The following FGFRL1 variants were observed in gnomAD, a reference collection of about 807,000 sequenced individuals.
The protein encoded by FGFRL1 is fibroblast growth factor receptor like 1.
In FGFRL1, 24 loss-of-function variants were observed where a neutral mutation model predicts 36.8. The observed-to-expected ratio is 0.65, with a 90% CI of 0.47 to 0.92. The LOEUF is 0.92. Ranked by LOEUF, FGFRL1 falls within the 40% of genes least tolerant of loss-of-function variation. The pLI is 0.00. For missense variants in FGFRL1, 785 were observed against 753.4 expected (o/e 1.04, Z -0.49); for synonymous variants, 422 against 344.1 (o/e 1.23, Z -2.50).
chr4:1,022,592 C>CCTT, intron 3 of FGFRL1, 117 bp downstream of exon 3: 1 of 1,346,690 alleles, frequency 7.4e-7, no homozygotes, highest in Non-Finnish European at 9.9e-7. Context: ...CGGCAGAAAG[C>CCTT]CTTCCTTCGG....
intron 2 of FGFRL1, among the ~76,000 whole-genome samples, chr4:1,017,919 G>C (rs1715978265): frequency 6.6e-6 from 1 of 152,246 alleles, no homozygotes; most frequent in South Asian, 2.1e-4. Flanking sequence ...AATGTCCACT[G>C]AGTATCTGCT....
chr4:1,023,181 C>T lies in FGFRL1; in HGVS notation c.353-460C>T, dbSNP rs1015598204. On this transcript the variant is annotated intron_variant, in intron 3 of 6. Coordinates refer to ENST00000510644, the MANE Select transcript of FGFRL1 (RefSeq NM_001004356.3). The surrounding 1 kb of genome is among the most constrained non-coding windows in gnomAD (Gnocchi z 6.0). ...CACAGGGTGGATGGAGGGGACATTC[C>T]ACAGCACGCCCTGCCCCTCGGCATT... Among the ~76,000 whole-genome samples the T allele has an allele frequency of 5.3e-5, 8 of 152,160 alleles. No homozygotes were observed. Among genetic ancestry groups the T allele is most frequent in the Non-Finnish European group, 1.0e-4 (7 of 67,998 alleles).
At chr4:1,015,955 A>G (rs956430016) in intron 2 of FGFRL1, among the ~76,000 whole-genome samples, 9 of 152,234 alleles carry the variant, frequency 5.9e-5, no homozygotes, top group Non-Finnish European at 1.3e-4. Flanking sequence ...CGCAGGCATC[A>G]CTGTGTGTCC....
At chr4:1,022,660 C>T (rs570483876) in intron 3 of FGFRL1, among the ~76,000 whole-genome samples, 185 bp downstream of exon 3, 53 of 152,312 alleles carry the variant, frequency 3.5e-4, no homozygotes, top group African/African-American at 1.3e-3. Flanking sequence ...GTATCCTGTC[C>T]CGTTCCTGTC....
chr4:1,020,274 G>A (rs1337734301), intron 2 of FGFRL1, among the ~76,000 whole-genome samples: 1 of 152,218 alleles, frequency 6.6e-6, no homozygotes, highest in African/African-American at 2.4e-5. Flanking sequence ...AGTGGCTGCA[G>A]TGCGGGATGG....
At chr4:1,018,384 G>A (rs1189777086) in intron 2 of FGFRL1, among the ~76,000 whole-genome samples, 1 of 152,192 alleles carries the variant, frequency 6.6e-6, no homozygotes, top group Non-Finnish European at 1.5e-5. Context: ...AGGATTTGGA[G>A]GCATCCGCCT....
chr4:1,022,864 C>T (rs897201016), intron 3 of FGFRL1, among the ~76,000 whole-genome samples: 3 of 152,118 alleles, frequency 2.0e-5, no homozygotes, highest in South Asian at 4.1e-4. Flanking sequence ...TTTCTGTTCT[C>T]TTCTGCGCCT....
At chr4:1,013,534 C>G (rs182758657) in intron 2 of FGFRL1, among the ~76,000 whole-genome samples, 7,461 of 130,784 alleles carry the variant, frequency 0.057, 235 homozygotes, top group Middle Eastern at 0.19. Flanking sequence ...CAGCACCCCC[C>G]CCTACCCCCC....
upstream of FGFRL1, among the ~76,000 whole-genome samples, chr4:1,010,443 A>T (rs1300537692): frequency 3.3e-5 from 5 of 152,172 alleles, no homozygotes; most frequent in African/African-American, 1.2e-4. Flanking sequence ...GAGGAGTCCC[A>T]CACCCTGACA....
chr4:1,022,601 G>A (rs1265376407), intron 3 of FGFRL1, 126 bp downstream of exon 3: 22 of 1,238,252 alleles, frequency 1.8e-5, no homozygotes, highest in Non-Finnish European at 2.0e-5. Flanking sequence ...GCCTTCCTTC[G>A]GTGCCCTGCC....
chr4:1,018,584 T>C (rs977080215), intron 2 of FGFRL1, among the ~76,000 whole-genome samples: 2 of 152,104 alleles, frequency 1.3e-5, no homozygotes, highest in African/African-American at 4.8e-5. Context: ...CTGGGGGGTG[T>C]CTTGGCAGGG....
At chr4:1,012,356 G>T in intron 1 of FGFRL1, 114 bp from the exon 2 acceptor site, 1 of 1,217,322 alleles carries the variant, frequency 8.2e-7, no homozygotes, top group Non-Finnish European at 1.1e-6. Context: ...TGGAGCGCGG[G>T]CGGGGAGGGC....
chr4:1,019,284 G>A (rs972467338), intron 2 of FGFRL1, among the ~76,000 whole-genome samples: 1 of 152,234 alleles, frequency 6.6e-6, no homozygotes, highest in Non-Finnish European at 1.5e-5. Flanking sequence ...CCAGGACAGG[G>A]CCAGGCACTC....
At position 1,026,624 on chromosome 4, in the gene FGFRL1, G is replaced by C. The variant is rs568107933; in HGVS notation, c.*1277G>C. On this transcript the variant is annotated 3_prime_UTR_variant, in exon 7 of 7. Transcript: ENST00000510644. ...CCCACTGCATTCTCCCCCTGACACAGAGAAGGGGCCTTGGTATTTATATTT... is the reference window on the plus strand; with the variant it reads ...CCCACTGCATTCTCCCCCTGACACACAGAAGGGGCCTTGGTATTTATATTT... 1.1e-5 allele frequency: 3 copies of C among 279,482 alleles called. No individual in the cohort carries two copies. The highest frequency in any genetic ancestry group is 2.1e-5 in the Non-Finnish European group (3 of 143,448). The allele number at this position is 279,482 out of a possible 1,614,324, so 17.3% of individuals were successfully genotyped here.
chr4:1,023,989 G>A lies in FGFRL1; in HGVS notation c.606G>A (p.Lys202=), dbSNP rs1306335897. 6 of 1,605,904 alleles carry A rather than the reference G, an allele frequency of 3.7e-6. No homozygotes were observed. The highest frequency in any genetic ancestry group is 2.7e-5 in the African/African-American group (2 of 74,854). The change falls in exon 5 of 7, where the codon AAG becomes AAA. Residue 202 remains lysine (K), a synonymous_variant. Transcript: ENST00000510644. This position sits in a 1 kb window ranked among gnomAD's most constrained non-coding sequence, Gnocchi z 6.0. The part of the protein sequence containing the change: ...TRPEAAEPRK[K]KWTLSLKNLR... ...CAGAGGCCGCTGAGCCCAGGAAGAA[G>A]AAGTGGACACTGAGCCTGAAGAACC...
rs1716553262 is a variant in FGFRL1 at position 1,026,629 on chromosome 4, G to A, written c.*1282G>A. On this transcript the variant is annotated 3_prime_UTR_variant, in exon 7 of 7. Coordinates refer to ENST00000510644, the MANE Select transcript of FGFRL1 (RefSeq NM_001004356.3). Reference sequence around the variant, plus strand: ...TGCATTCTCCCCCTGACACAGAGAAGGGGCCTTGGTATTTATATTTAAGAA... The same window carrying A: ...TGCATTCTCCCCCTGACACAGAGAAAGGGCCTTGGTATTTATATTTAAGAA... 3.6e-6 allele frequency: 1 copy of A among 281,276 alleles called. No homozygotes were observed. The highest frequency in any genetic ancestry group is 6.9e-6 in the Non-Finnish European group (1 of 144,338). The allele number at this position is 281,276 out of a possible 1,614,324, so 17.4% of individuals were successfully genotyped here.
intron 2 of FGFRL1, among the ~76,000 whole-genome samples, chr4:1,016,007 T>C (rs549051259): frequency 5.6e-4 from 86 of 152,346 alleles, no homozygotes; most frequent in African/African-American, 2.0e-3. Flanking sequence ...TGCAGGGGCC[T>C]GGGGAGCTGC....
At chr4:1,015,989 C>G (rs1290815079) in intron 2 of FGFRL1, among the ~76,000 whole-genome samples, 2 of 152,246 alleles carry the variant, frequency 1.3e-5, no homozygotes, top group Non-Finnish European at 2.9e-5. Context: ...CGGCTGTGCC[C>G]TGTGGCCTGC....
rs576348147 is a variant in FGFRL1 at position 1,023,015 on chromosome 4, C to CTT, written c.352+551_352+552dup. Among the ~76,000 whole-genome samples the CTT allele has an allele frequency of 1.1e-4, 16 of 146,594 alleles. No individual in the cohort carries two copies. The highest frequency in any genetic ancestry group is 2.0e-4 in the Non-Finnish European group (13 of 66,268). ...TCCTGGGAGCTGGGCTGGCCCGTTT[C>CTT]TTTTTTTTTTTTAATTCTACTTTAA... is the stretch of plus-strand genomic sequence containing the variant. On this transcript the variant is annotated intron_variant, in intron 3 of 6. Coordinates refer to ENST00000510644, the MANE Select transcript of FGFRL1 (RefSeq NM_001004356.3). The surrounding 1 kb of genome is among the most constrained non-coding windows in gnomAD (Gnocchi z 6.0).
Sources: gnomAD v4.1 joint callset for allele counts (sites outside exome capture counted in the v4.1 genomes callset) on GRCh38, gnomAD v4.1.1 for gene constraint, Gnocchi (gnomAD v3.1) non-coding constraint, MANE v1.5 for transcripts, NCBI Gene and HGNC (gene_info 2026-07-23, HGNC 2026-07-21) for gene names.